The following ERCC8 variants were observed in gnomAD, a reference collection of about 807,000 sequenced individuals.
ERCC8 encodes ERCC excision repair 8, CSA ubiquitin ligase complex subunit.
In ERCC8, 52 loss-of-function variants were observed where a neutral mutation model predicts 54.9. The ratio of observed to expected loss-of-function variants is 0.95; its 90% CI spans 0.76 to 1.19. ERCC8 has a LOEUF of 1.19. Ranked by LOEUF, ERCC8 falls within the 50% of genes most tolerant of loss-of-function variation. The pLI, the probability that ERCC8 is intolerant of heterozygous loss-of-function variation, is 0.00. For missense variants in ERCC8, 514 were observed against 466.1 expected (o/e 1.10, Z -0.95); for synonymous variants, 146 against 157.2 (o/e 0.93, Z 0.53).
chr5:60,882,553 G>A (rs762439504), intron 11 of ERCC8, among the ~76,000 whole-genome samples: 8 of 151,806 alleles, frequency 5.3e-5, no homozygotes, highest in East Asian at 2.0e-4. Context: ...TGCCACCGGC[G>A]AATTTTTGTA....
At chr5:60,924,362 G>A (rs756143581) in intron 2 of ERCC8, 1 of 153,602 alleles carries the variant, frequency 6.5e-6, no homozygotes, top group Non-Finnish European at 1.5e-5. Flanking sequence ...GATTCCTAAG[G>A]AATGGCTAAT....
chr5:60,898,468 T>A (rs1400055884), intron 8 of ERCC8, 68 bp from the exon 9 acceptor site: 4 of 1,567,976 alleles, frequency 2.6e-6, no homozygotes, highest in Non-Finnish European at 3.5e-6. Context: ...TTTGATGATA[T>A]AATTAAACAT....
At chr5:60,900,863 T>C (rs541933632) in intron 7 of ERCC8, 1 of 152,036 alleles carries the variant, frequency 6.6e-6, no homozygotes, top group African/African-American at 2.4e-5. Context: ...AAGTTAAGCA[T>C]GAAAAATGTA....
chr5:60,888,260 T>A (rs1390909524), intron 10 of ERCC8, among the ~76,000 whole-genome samples: 1 of 152,216 alleles, frequency 6.6e-6, no homozygotes, highest in Non-Finnish European at 1.5e-5. Flanking sequence ...AAAATAAGAT[T>A]ATATAGTAAT....
intron 2 of ERCC8, among the ~76,000 whole-genome samples, 165 bp downstream of exon 2, chr5:60,928,699 C>T (rs942144573): frequency 6.6e-5 from 10 of 151,834 alleles, no homozygotes; most frequent in Admixed American, 2.0e-4. Context: ...TTGGTAGGTT[C>T]GATGTTTTGT....
intron 10 of ERCC8, among the ~76,000 whole-genome samples, chr5:60,888,018 A>G (rs1307345797): frequency 6.6e-6 from 1 of 152,242 alleles, no homozygotes; most frequent in Non-Finnish European, 1.5e-5. Context: ...AGTTTACTTC[A>G]TAAGGGGAAG....
Position 60,887,456 on chromosome 5 carries a change from A to G in ERCC8, c.1106T>C (p.Val369Ala). ...AATATTTACCTCATCATCATCAGGA[A>G]CTGGTTCATATAAGGATGGAACCCA... is the stretch of plus-strand genomic sequence containing the variant. ...LAWVPSLYEPVPDDDETTTKS... is the reference protein window; with the variant it reads ...LAWVPSLYEPAPDDDETTTKS... Residue 369 changes from valine to alanine, a missense_variant, in exon 11 of 12, where the codon GTT becomes GCT. Transcript: ENST00000676185. The G allele has an allele frequency of 1.9e-6, 3 of 1,612,728 alleles. No individual in the cohort carries two copies. Among genetic ancestry groups the G allele is most frequent in the Non-Finnish European group, 2.5e-6 (3 of 1,178,764 alleles).
At chr5:60,928,135 T>C (rs940763650) in intron 2 of ERCC8, among the ~76,000 whole-genome samples, 2 of 152,222 alleles carry the variant, frequency 1.3e-5, no homozygotes, top group African/African-American at 4.8e-5. Flanking sequence ...AAAGGTTTTG[T>C]ACGGTCTTTT....
intron 7 of ERCC8, among the ~76,000 whole-genome samples, chr5:60,901,203 TCTAA>T (rs1359417071): frequency 6.6e-6 from 1 of 152,066 alleles, no homozygotes; most frequent in Non-Finnish European, 1.5e-5. Flanking sequence ...ATTTTCTTAG[TCTAA>T]CTCTCATACT....
chr5:60,879,243 A>G (rs1176926452), intron 11 of ERCC8, among the ~76,000 whole-genome samples: 2 of 152,202 alleles, frequency 1.3e-5, no homozygotes, highest in African/African-American at 4.8e-5. Flanking sequence ...ACCGTTTGCT[A>G]TAATTTCTGT....
intron 4 of ERCC8, among the ~76,000 whole-genome samples, chr5:60,912,435 T>C (rs958567241): frequency 7.2e-5 from 11 of 152,154 alleles, no homozygotes; most frequent in African/African-American, 2.7e-4. Flanking sequence ...TTTTGCATGT[T>C]GATTTTGTAT....
chr5:60,940,440 G>A (rs1750223973), intron 1 of ERCC8, among the ~76,000 whole-genome samples: 1 of 152,148 alleles, frequency 6.6e-6, no homozygotes, highest in African/African-American at 2.4e-5. Flanking sequence ...GCCTAAACTT[G>A]GAAGCGTATG....
chr5:60,929,252 C>CA (rs1749839059), intron 1 of ERCC8, among the ~76,000 whole-genome samples: 1 of 152,012 alleles, frequency 6.6e-6, no homozygotes, highest in African/African-American at 2.4e-5. Flanking sequence ...GCATAAATTA[C>CA]AGGATTAAAA....
intron 3 of ERCC8, among the ~76,000 whole-genome samples, chr5:60,918,837 T>C (rs1177814970): frequency 6.6e-6 from 1 of 152,054 alleles, no homozygotes; most frequent in Non-Finnish European, 1.5e-5. Context: ...TTGCTTCTTA[T>C]CAAGGAACTT....
intron 1 of ERCC8, among the ~76,000 whole-genome samples, chr5:60,940,818 A>T (rs1750235951): frequency 6.6e-6 from 1 of 152,220 alleles, no homozygotes; most frequent in Non-Finnish European, 1.5e-5. Flanking sequence ...TAAAACAAAA[A>T]TATCAACATT....
At chr5:60,911,148 T>G (rs1028123223) in intron 4 of ERCC8, among the ~76,000 whole-genome samples, 11 of 152,122 alleles carry the variant, frequency 7.2e-5, no homozygotes, top group African/African-American at 2.4e-4. Flanking sequence ...GCCATGTTGG[T>G]TTGCTGCACC....
At chr5:60,933,887 C>G (rs1014641654) in intron 1 of ERCC8, among the ~76,000 whole-genome samples, 5 of 152,152 alleles carry the variant, frequency 3.3e-5, no homozygotes, top group African/African-American at 1.2e-4. Flanking sequence ...ACCCAGGTCA[C>G]TGTAAAAGCC....
chr5:60,892,387 G>C (rs774860429), intron 9 of ERCC8: 4 of 546,058 alleles, frequency 7.3e-6, no homozygotes, highest in Non-Finnish European at 1.5e-5. Flanking sequence ...TGACTTGCTC[G>C]GTATCCTCGA....
intron 2 of ERCC8, 89 bp from the exon 3 acceptor site, chr5:60,922,244 GCAAA>G: frequency 2.5e-6 from 2 of 810,992 alleles, no homozygotes; most frequent in South Asian, 1.5e-5. Flanking sequence ...AAACTGATTT[GCAAA>G]CACTCAAATG....
Sources: gnomAD v4.1 joint callset for allele counts (sites outside exome capture counted in the v4.1 genomes callset) on GRCh38, gnomAD v4.1.1 for gene constraint, MANE v1.5 for transcripts, NCBI Gene and HGNC (gene_info 2026-07-23, HGNC 2026-07-21) for gene names.